The following ELMO1 variants were observed in gnomAD, a reference collection of about 807,000 sequenced individuals.
ELMO1 encodes the protein engulfment and cell motility protein 1.
A neutral mutation model predicts 98.9 loss-of-function variants in ELMO1; 26 were observed. That is an observed-to-expected ratio of 0.26 (90% CI 0.19 to 0.36). The LOEUF (loss-of-function observed/expected upper bound fraction) is 0.36. Ranked by LOEUF, ELMO1 falls within the 10% of genes least tolerant of loss-of-function variation. The pLI, the probability that ELMO1 is intolerant of heterozygous loss-of-function variation, is 1.00. For synonymous variants in ELMO1, 346 were observed against 346.0 expected (o/e 1.00, Z 0.00); for missense variants, 627 against 935.2 (o/e 0.67, Z 4.30).
chr7:37,005,044 G>A (rs1157867335), intron 16 of ELMO1, among the ~76,000 whole-genome samples: 2 of 146,950 alleles, frequency 1.4e-5, no homozygotes, highest in African/African-American at 5.0e-5. Context: ...GCGAGTTGGA[G>A]GTTGCGGTGA....
chr7:37,012,133 A>G (rs1443305571), intron 16 of ELMO1, among the ~76,000 whole-genome samples: 1 of 152,224 alleles, frequency 6.6e-6, no homozygotes, highest in African/African-American at 2.4e-5. Context: ...TTGGGATGAC[A>G]GAGATGATAT....
At chr7:37,373,157 G>C (rs955493775) in intron 1 of ELMO1, among the ~76,000 whole-genome samples, 1 of 152,232 alleles carries the variant, frequency 6.6e-6, no homozygotes, top group Non-Finnish European at 1.5e-5. Flanking sequence ...TGAAGACGGC[G>C]CTAGCAGAGG....
intron 1 of ELMO1, among the ~76,000 whole-genome samples, chr7:37,360,392 A>G (rs1801655904): frequency 6.6e-6 from 1 of 151,560 alleles, no homozygotes; most frequent in Admixed American, 6.6e-5. Context: ...AACACGGCTT[A>G]AAATGAAAGT....
intron 15 of ELMO1, among the ~76,000 whole-genome samples, chr7:37,063,890 C>G (rs1466386369): frequency 1.3e-5 from 2 of 152,166 alleles, no homozygotes; most frequent in African/African-American, 2.4e-5. Context: ...GTTCAACCAG[C>G]CCCCTCCTGC....
At chr7:37,194,027 T>C (rs11767880) in intron 13 of ELMO1, among the ~76,000 whole-genome samples, 106,066 of 152,004 alleles carry the variant, frequency 0.7, 37,197 homozygotes, top group East Asian at 0.85. Flanking sequence ...CTGGAGAAAT[T>C]CTCCAGAACA....
chr7:37,028,601 TGAGA>T (rs1025839386), intron 15 of ELMO1, among the ~76,000 whole-genome samples: 1 of 152,128 alleles, frequency 6.6e-6, no homozygotes, highest in African/African-American at 2.4e-5. Flanking sequence ...AAAAATTATT[TGAGA>T]GAAAGTCTTA....
chr7:37,376,223 A>G (rs1802339273), intron 1 of ELMO1, among the ~76,000 whole-genome samples: 1 of 152,130 alleles, frequency 6.6e-6, no homozygotes, highest in Non-Finnish European at 1.5e-5. Flanking sequence ...CATTTTTCTA[A>G]ATTGTCTTTG....
chr7:37,227,022 G>C (rs1464929015), intron 8 of ELMO1, among the ~76,000 whole-genome samples: 1 of 152,120 alleles, frequency 6.6e-6, no homozygotes. Flanking sequence ...TTCCAAAAAA[G>C]CCAAAAATTA....
intron 1 of ELMO1, among the ~76,000 whole-genome samples, chr7:37,391,406 G>A (rs569366773): frequency 9.9e-4 from 151 of 152,258 alleles, no homozygotes; most frequent in Non-Finnish European, 1.9e-3. Flanking sequence ...ATGAGCCACC[G>A]CACCCAGCCC....
chr7:37,117,535 A>T (rs1266436864), intron 14 of ELMO1, among the ~76,000 whole-genome samples: 4 of 152,202 alleles, frequency 2.6e-5, no homozygotes, highest in Non-Finnish European at 4.4e-5. Context: ...CATTCAAATC[A>T]CTGGCTTTGG....
At chr7:37,165,126 G>T (rs1328924096) in intron 13 of ELMO1, among the ~76,000 whole-genome samples, 1 of 152,150 alleles carries the variant, frequency 6.6e-6, no homozygotes, top group East Asian at 1.9e-4. Flanking sequence ...CTCATGATTT[G>T]GCTCTCTGTT....
chr7:36,878,181 T>G, intron 18 of ELMO1, 64 bp from the exon 19 acceptor site: 1 of 1,215,576 alleles, frequency 8.2e-7, no homozygotes, highest in Non-Finnish European at 1.2e-6. Flanking sequence ...CTAGCCTGGT[T>G]ATTTCTTAAT....
intron 1 of ELMO1, among the ~76,000 whole-genome samples, chr7:37,403,242 C>T (rs1803607524): frequency 1.3e-5 from 2 of 152,070 alleles, no homozygotes; most frequent in Admixed American, 1.3e-4. Context: ...CTAGAAAAGG[C>T]AAAACTATAA....
chr7:37,094,427 G>A (rs1251962918), intron 15 of ELMO1, among the ~76,000 whole-genome samples: 2 of 152,156 alleles, frequency 1.3e-5, no homozygotes, highest in African/African-American at 4.8e-5. Context: ...GTCCTGGAAA[G>A]GCCAGGAGGG....
intron 1 of ELMO1, among the ~76,000 whole-genome samples, chr7:37,346,314 C>T (rs941407346): frequency 2.6e-5 from 4 of 152,266 alleles, no homozygotes; most frequent in Admixed American, 1.3e-4. Context: ...GCAAACTATA[C>T]GAAAAGCCTT....
chr7:37,232,376 T>C (rs948551641), intron 8 of ELMO1, among the ~76,000 whole-genome samples: 1 of 152,112 alleles, frequency 6.6e-6, no homozygotes, highest in Non-Finnish European at 1.5e-5. Flanking sequence ...AAAAAATAAA[T>C]CAATAAATGA....
chr7:37,253,827 T>G (rs1401487936), intron 6 of ELMO1, among the ~76,000 whole-genome samples: 1 of 152,124 alleles, frequency 6.6e-6, no homozygotes, highest in Non-Finnish European at 1.5e-5. Context: ...CCAGCAACAT[T>G]TCTTCAATGT....
chr7:37,121,501 G>A (rs755754925), intron 14 of ELMO1, among the ~76,000 whole-genome samples: 48 of 152,160 alleles, frequency 3.2e-4, no homozygotes, highest in Non-Finnish European at 6.0e-4. Context: ...TAGCCAATTC[G>A]ATCAGCTGGA....
chr7:36,943,946 C>T (rs1368620635), intron 16 of ELMO1, among the ~76,000 whole-genome samples: 1 of 152,042 alleles, frequency 6.6e-6, no homozygotes, highest in Non-Finnish European at 1.5e-5. Context: ...GGGCTGGTTT[C>T]ACATTTAAAA....
Sources: allele counts gnomAD v4.1 joint callset (sites outside exome capture counted in the v4.1 genomes callset), GRCh38; gene constraint gnomAD v4.1.1; transcripts MANE v1.5; gene names NCBI Gene and HGNC (gene_info 2026-07-23, HGNC 2026-07-21).